FBXO25: variants seen among roughly 807,000 people sequenced by gnomAD.
The protein encoded by FBXO25 is F-box only protein 25.
A neutral mutation model predicts 51.9 loss-of-function variants in FBXO25; 45 were observed. The observed-to-expected ratio is 0.87, with a 90% CI of 0.68 to 1.11. The LOEUF is 1.11. Ranked by LOEUF, FBXO25 falls within the 50% of genes most tolerant of loss-of-function variation. FBXO25 has a pLI of 0.00. For missense variants in FBXO25, 507 were observed against 428.5 expected, an observed-to-expected ratio of 1.18 and a Z score of -1.62; for synonymous variants, 199 against 151.0, an observed-to-expected ratio of 1.32 and a Z score of -2.33.
chr8:455,603 T>G (rs926325923), intron 7 of FBXO25, among the ~76,000 whole-genome samples: 1 of 152,160 alleles, frequency 6.6e-6, no homozygotes, highest in Non-Finnish European at 1.5e-5. Flanking sequence ...TAAAATAGAA[T>G]GATAATAGCA....
intron 1 of FBXO25, among the ~76,000 whole-genome samples, chr8:407,674 G>A (rs976167670): frequency 6.6e-6 from 1 of 151,860 alleles, no homozygotes. Flanking sequence ...CCTCTTCGCC[G>A]GTGGGCACCT....
intron 2 of FBXO25, among the ~76,000 whole-genome samples, chr8:414,882 T>C (rs1796701397): frequency 6.6e-6 from 1 of 152,214 alleles, no homozygotes; most frequent in African/African-American, 2.4e-5. Flanking sequence ...CCCTGCTTCC[T>C]ACTCTGCCAT....
chr8:451,936 T>G (rs1219099332), intron 7 of FBXO25, among the ~76,000 whole-genome samples: 3 of 152,232 alleles, frequency 2.0e-5, no homozygotes, highest in Non-Finnish European at 4.4e-5. Flanking sequence ...TATTTTTTCT[T>G]TATTCTGGTA....
chr8:442,911 T>C (rs1798518118), intron 5 of FBXO25, among the ~76,000 whole-genome samples: 1 of 152,240 alleles, frequency 6.6e-6, no homozygotes, highest in Admixed American at 6.5e-5. Context: ...TTGTAGGCTA[T>C]TTAATTCCAG....
At chr8:431,100 G>A (rs967607715) in intron 2 of FBXO25, among the ~76,000 whole-genome samples, 1 of 152,032 alleles carries the variant, frequency 6.6e-6, no homozygotes, top group Admixed American at 6.6e-5. Context: ...AACTACCTTG[G>A]ATAAGTATAT....
chr8:428,704 C>A (rs1480778744), intron 2 of FBXO25, among the ~76,000 whole-genome samples: 1 of 152,180 alleles, frequency 6.6e-6, no homozygotes, highest in African/African-American at 2.4e-5. Flanking sequence ...TTTTCATTCT[C>A]CAGCACCCCC....
intron 1 of FBXO25, among the ~76,000 whole-genome samples, chr8:410,126 T>C (rs148864786): frequency 3.9e-5 from 6 of 152,170 alleles, no homozygotes; most frequent in African/African-American, 1.4e-4. Flanking sequence ...TCCCAGCTGA[T>C]TTGCTTTCTG....
intron 2 of FBXO25, among the ~76,000 whole-genome samples, chr8:425,144 G>C (rs1332084806): frequency 6.7e-6 from 1 of 150,236 alleles, no homozygotes; most frequent in Non-Finnish European, 1.5e-5. Context: ...CCCCCCACAT[G>C]TCCCATTTCT....
chr8:451,230 A>C, intron 6 of FBXO25, 39 bp from the exon 7 acceptor site: 1 of 1,544,566 alleles, frequency 6.5e-7, no homozygotes, highest in Non-Finnish European at 8.7e-7. Context: ...AGTGTTGCTT[A>C]ACTGTATCAA....
chr8:456,103 A>G (rs559031447), intron 7 of FBXO25, among the ~76,000 whole-genome samples: 3 of 152,288 alleles, frequency 2.0e-5, no homozygotes, highest in African/African-American at 7.2e-5. Flanking sequence ...TGCTACAGAA[A>G]TTTTTCTCAG....
intron 2 of FBXO25, among the ~76,000 whole-genome samples, chr8:415,789 C>T (rs17665364): frequency 0.062 from 9,501 of 152,214 alleles, 322 homozygotes; most frequent in Middle Eastern, 0.082. Flanking sequence ...TGTTTGATGA[C>T]AGAAATTGTA....
intron 5 of FBXO25, among the ~76,000 whole-genome samples, chr8:444,204 A>C (rs908937376): frequency 2.0e-5 from 3 of 152,260 alleles, no homozygotes; most frequent in Non-Finnish European, 4.4e-5. Context: ...GATTGAGCAA[A>C]GTTGATTTGG....
rs2050053937 is a variant in FBXO25 at position 463,242 on chromosome 8, G to A, written c.987+92G>A. 2.2e-6 allele frequency: 3 copies of A among 1,369,758 alleles called. No homozygotes were observed. In the South Asian group the frequency reaches 3.7e-5, roughly 17 times the overall value. The allele number at this position is 1,369,758 out of a possible 1,614,324, so 84.9% of individuals were successfully genotyped here. ...ATTTTAAGTATAAGACTAAAAAGCG[G>A]AAAATACTGTTTGTTATAAGTAAGT... is the stretch of plus-strand genomic sequence containing the variant. On this transcript the variant is annotated intron_variant, in intron 9 of 9. Transcript: ENST00000350302.
chr8:429,191 A>T (rs1362649396), intron 2 of FBXO25, among the ~76,000 whole-genome samples: 3 of 151,766 alleles, frequency 2.0e-5, no homozygotes, highest in Non-Finnish European at 4.4e-5. Flanking sequence ...CCCCACATGC[A>T]TGTCAACACT....
rs1490399663 is a variant in FBXO25 at position 471,085 on chromosome 8, T to C, written c.*2281T>C. On this transcript the variant is annotated 3_prime_UTR_variant, in exon 10 of 10. Coordinates refer to ENST00000350302, the MANE Select transcript of FBXO25 (RefSeq NM_183420.2). Reference sequence around the variant, plus strand: ...TAACTTGTATAAATTGAGCAGTACTTGCTTGGAAAACATAACCATATTAAT... The same window carrying C: ...TAACTTGTATAAATTGAGCAGTACTCGCTTGGAAAACATAACCATATTAAT... 1 of 152,132 alleles carries C rather than the reference T, an allele frequency of 6.6e-6. No individual in the cohort carries two copies. The highest frequency in any genetic ancestry group is 1.5e-5 in the Non-Finnish European group (1 of 67,992). The allele number at this position is 152,132 out of a possible 1,614,324, so 9.4% of individuals were successfully genotyped here.
At position 463,025 on chromosome 8, in the gene FBXO25, C is replaced by G; in HGVS notation, c.862C>G (p.Leu288Val). The change falls in exon 9 of 10, where the codon CTT becomes GTT. Residue 288 changes from leucine to valine, a missense_variant. Coordinates refer to ENST00000350302, the MANE Select transcript of FBXO25 (RefSeq NM_183420.2). ...TGTTTAGTTTTGTAGACATTTGATC[C>G]TTTCAGAAAAAGGTCATATTGAATG... is the stretch of plus-strand genomic sequence containing the variant. ...AEKQFCRHLILSEKGHIEWKL... is the reference protein window; with the variant it reads ...AEKQFCRHLIVSEKGHIEWKL... 6.2e-7 allele frequency: 1 copy of G among 1,610,760 alleles called. No individual in the cohort carries two copies. Among genetic ancestry groups the G allele is most frequent in the Non-Finnish European group, 8.5e-7 (1 of 1,179,330 alleles).
chr8:449,911 A>G (rs1798972502), intron 5 of FBXO25, 79 bp from the exon 6 acceptor site: 4 of 926,456 alleles, frequency 4.3e-6, no homozygotes, highest in East Asian at 2.5e-5. Flanking sequence ...ATCTTCATGC[A>G]TGTGTGTTAT....
At chr8:439,971 T>A (rs1408459109) in intron 5 of FBXO25, among the ~76,000 whole-genome samples, 1 of 152,208 alleles carries the variant, frequency 6.6e-6, no homozygotes, top group African/African-American at 2.4e-5. Context: ...AAGATTTTTT[T>A]TCAAATTTTT....
intron 5 of FBXO25, among the ~76,000 whole-genome samples, chr8:438,686 C>T (rs1004993653): frequency 1.1e-4 from 17 of 152,302 alleles, no homozygotes; most frequent in African/African-American, 4.1e-4. Context: ...CGCTGAGCAC[C>T]TCCTGTGTGC....
Sources: allele counts gnomAD v4.1 joint callset (sites outside exome capture counted in the v4.1 genomes callset), GRCh38; gene constraint gnomAD v4.1.1; transcripts MANE v1.5; gene names NCBI Gene and HGNC (gene_info 2026-07-23, HGNC 2026-07-21).